ADGRV1: variants seen among roughly 807,000 people sequenced by gnomAD.
ADGRV1 encodes adhesion G protein-coupled receptor V1.
ADGRV1 carries 359 observed loss-of-function variants against 596.2 expected under a neutral mutation model. The ratio of observed to expected loss-of-function variants is 0.60; its 90% CI spans 0.55 to 0.66. The LOEUF (loss-of-function observed/expected upper bound fraction) is 0.66, where lower values mean the gene tolerates loss of function less well. Ranked by LOEUF, ADGRV1 falls within the 30% of genes least tolerant of loss-of-function variation. The pLI, the probability that ADGRV1 is intolerant of heterozygous loss-of-function variation, is 0.00. For missense variants in ADGRV1, 7,274 were observed against 7,575.6 expected (o/e 0.96, Z 1.48); for synonymous variants, 2,681 against 2,679.2 (o/e 1.00, Z -0.02).
chr5:90,975,181 C>G (rs1779446323), intron 84 of ADGRV1, among the ~76,000 whole-genome samples: 1 of 151,486 alleles, frequency 6.6e-6, no homozygotes, highest in Non-Finnish European at 1.5e-5. Flanking sequence ...GAATGGTGAT[C>G]ATTAAGAAGT....
chr5:90,743,525 G>A (rs1754233521), intron 50 of ADGRV1, among the ~76,000 whole-genome samples: 3 of 145,782 alleles, frequency 2.1e-5, no homozygotes, highest in Non-Finnish European at 1.5e-5. Context: ...AGGCTAGAGA[G>A]CAGTGGCACG....
At chr5:91,105,931 A>AT in intron 87 of ADGRV1, among the ~76,000 whole-genome samples, 1 of 150,870 alleles carries the variant, frequency 6.6e-6, no homozygotes, top group African/African-American at 2.4e-5. Context: ...ATAGATTCTT[A>AT]TTATATTTAT....
intron 85 of ADGRV1, among the ~76,000 whole-genome samples, chr5:91,011,573 A>G (rs1383586644): frequency 6.6e-6 from 1 of 152,024 alleles, no homozygotes; most frequent in Non-Finnish European, 1.5e-5. Context: ...TATATGTATT[A>G]ACATATTAAT....
intron 83 of ADGRV1, among the ~76,000 whole-genome samples, chr5:90,919,803 T>TG (rs1773711149): frequency 1.3e-5 from 2 of 152,166 alleles, no homozygotes; most frequent in African/African-American, 4.8e-5. Flanking sequence ...GAGACCAGCC[T>TG]GACCAGTATG....
intron 59 of ADGRV1, among the ~76,000 whole-genome samples, chr5:90,770,347 G>A (rs1411576313): frequency 1.3e-5 from 2 of 152,120 alleles, no homozygotes; most frequent in Non-Finnish European, 2.9e-5. Flanking sequence ...CTCCCATGAC[G>A]TGGGGATTAT....
chr5:91,087,109 A>G (rs1423573141), intron 86 of ADGRV1, among the ~76,000 whole-genome samples: 1 of 152,206 alleles, frequency 6.6e-6, no homozygotes, highest in Non-Finnish European at 1.5e-5. Context: ...TTCATGGCCC[A>G]GCCAAAATTC....
chr5:90,786,494 T>C (rs1342356598), intron 67 of ADGRV1, among the ~76,000 whole-genome samples: 1 of 152,174 alleles, frequency 6.6e-6, no homozygotes, highest in African/African-American at 2.4e-5. Flanking sequence ...TTAAAGCAGC[T>C]CATTTAAGTC....
At chr5:90,842,231 A>ATAG (rs1430033043) in intron 78 of ADGRV1, among the ~76,000 whole-genome samples, 1 of 152,206 alleles carries the variant, frequency 6.6e-6, no homozygotes, top group African/African-American at 2.4e-5. Context: ...GAGTTGTCAG[A>ATAG]TAGTACATCT....
intron 21 of ADGRV1, among the ~76,000 whole-genome samples, chr5:90,668,608 T>G (rs1236079597): frequency 6.6e-6 from 1 of 152,094 alleles, no homozygotes; most frequent in Non-Finnish European, 1.5e-5. Context: ...ACCAGAGCTG[T>G]TCCTATTCGT....
At chr5:91,076,048 G>T (rs1788829735) in intron 86 of ADGRV1, among the ~76,000 whole-genome samples, 1 of 152,180 alleles carries the variant, frequency 6.6e-6, no homozygotes, top group Non-Finnish European at 1.5e-5. Context: ...GTAGATGAGT[G>T]AGAGACAGAT....
At chr5:90,803,792 G>A (rs544224279) in intron 71 of ADGRV1, among the ~76,000 whole-genome samples, 1 of 150,618 alleles carries the variant, frequency 6.6e-6, no homozygotes, top group African/African-American at 2.4e-5. Context: ...TTAATGCTTT[G>A]AATTTTGTTG....
intron 17 of ADGRV1, among the ~76,000 whole-genome samples, chr5:90,648,776 TA>T: frequency 6.6e-6 from 1 of 152,330 alleles, no homozygotes; most frequent in African/African-American, 2.4e-5. Flanking sequence ...AACTAAAAAC[TA>T]TTATCCTGTG....
chr5:90,976,002 A>G lies in ADGRV1; in HGVS notation c.17974-9342A>G, dbSNP rs138419841. 1.4e-3 allele frequency among the ~76,000 whole-genome samples: 213 copies of G among 152,094 alleles called. 7 individuals carry two copies. In the East Asian group the frequency reaches 0.025, roughly 18 times the overall value. On this transcript the variant is annotated intron_variant, in intron 84 of 89. Coordinates refer to ENST00000405460, the MANE Select transcript of ADGRV1 (RefSeq NM_032119.4). ...TTTGGTTTCATTTTAGAGATAGCAT[A>G]TACTAATGGTACAAAACATAATCGA...
intron 83 of ADGRV1, among the ~76,000 whole-genome samples, chr5:90,949,071 A>C (rs1776846206): frequency 6.6e-6 from 1 of 152,174 alleles, no homozygotes. Context: ...AAATATTGCT[A>C]CATGCAACAG....
chr5:90,635,564 C>T (rs189158438), intron 10 of ADGRV1, among the ~76,000 whole-genome samples: 137 of 151,566 alleles, frequency 9.0e-4, no homozygotes, highest in African/African-American at 3.1e-3. Context: ...CTATGACATT[C>T]GATACTACAG....
intron 43 of ADGRV1, chr5:90,717,515 A>G: frequency 6.9e-6 from 1 of 145,978 alleles, no homozygotes; most frequent in East Asian, 2.0e-4. Context: ...GTTTACTGCA[A>G]ACTCCACCTC....
At chr5:91,130,037 A>G (rs1367031704) in intron 87 of ADGRV1, among the ~76,000 whole-genome samples, 1 of 152,124 alleles carries the variant, frequency 6.6e-6, no homozygotes, top group African/African-American at 2.4e-5. Flanking sequence ...CTGATTTTGG[A>G]GTGGGATTGG....
At chr5:91,119,686 C>T (rs1185287959) in intron 87 of ADGRV1, among the ~76,000 whole-genome samples, 1 of 152,156 alleles carries the variant, frequency 6.6e-6, no homozygotes, top group Admixed American at 6.5e-5. Flanking sequence ...ACTTTGTAGC[C>T]AACTTTAGGG....
intron 83 of ADGRV1, among the ~76,000 whole-genome samples, chr5:90,905,607 T>A (rs1772247231): frequency 6.6e-6 from 1 of 152,112 alleles, no homozygotes; most frequent in Non-Finnish European, 1.5e-5. Context: ...ACTGAATTTG[T>A]TTATCAGTTC....
Sources: gnomAD v4.1 joint callset for allele counts (sites outside exome capture counted in the v4.1 genomes callset) on GRCh38, gnomAD v4.1.1 for gene constraint, MANE v1.5 for transcripts, NCBI Gene and HGNC (gene_info 2026-07-23, HGNC 2026-07-21) for gene names.